Variants in NBEA observed in about 807,000 individuals in gnomAD.
NBEA encodes the protein lysosomal-trafficking regulator 2.
In NBEA, 44 loss-of-function variants were observed where a neutral mutation model predicts 343.4. The ratio of observed to expected loss-of-function variants is 0.13; its 90% CI spans 0.10 to 0.16. The LOEUF (loss-of-function observed/expected upper bound fraction) is 0.16. Among genes scored for constraint, NBEA ranks in the 10% least tolerant of loss-of-function variants. The pLI is 1.00. For synonymous variants in NBEA, 1,175 were observed against 1,238.7 expected (o/e 0.95, Z 1.08); for missense variants, 2,555 against 3,631.3 (o/e 0.70, Z 7.62).
intron 34 of NBEA, among the ~76,000 whole-genome samples, chr13:35,288,200 ATCAG>A (rs1157558795): frequency 1.3e-5 from 2 of 152,050 alleles, no homozygotes; most frequent in Non-Finnish European, 2.9e-5. Context: ...TACTTATAGC[ATCAG>A]TCAGTGGTTG....
At chr13:35,636,135 C>T (rs2083680700) in intron 49 of NBEA, among the ~76,000 whole-genome samples, 1 of 152,168 alleles carries the variant, frequency 6.6e-6, no homozygotes, top group Non-Finnish European at 1.5e-5. Context: ...ATAGATTTCA[C>T]TTCTATAACA....
chr13:35,115,011 A>G (rs888632890), intron 13 of NBEA, among the ~76,000 whole-genome samples: 13 of 152,134 alleles, frequency 8.5e-5, no homozygotes, highest in African/African-American at 3.1e-4. Flanking sequence ...CTTTAACTGT[A>G]ACTTAACACT....
At chr13:35,524,177 C>G (rs2077856876) in intron 41 of NBEA, among the ~76,000 whole-genome samples, 4 of 152,184 alleles carry the variant, frequency 2.6e-5, no homozygotes, top group Non-Finnish European at 5.9e-5. Flanking sequence ...CCTCTAGATT[C>G]TATACCACAT....
intron 33 of NBEA, among the ~76,000 whole-genome samples, chr13:35,223,291 T>G (rs970721137): frequency 3.3e-5 from 5 of 152,230 alleles, no homozygotes; most frequent in African/African-American, 1.2e-4. Context: ...TCCTTATACT[T>G]GAACTACATT....
intron 1 of NBEA, among the ~76,000 whole-genome samples, chr13:34,953,521 C>T (rs888913570): frequency 2.6e-5 from 4 of 152,102 alleles, no homozygotes; most frequent in Admixed American, 1.3e-4. Flanking sequence ...ATTTAAGTGA[C>T]GTCTTCCCTG....
intron 18 of NBEA, among the ~76,000 whole-genome samples, chr13:35,149,673 C>T (rs140027219): frequency 1.3e-5 from 2 of 152,088 alleles, no homozygotes; most frequent in African/African-American, 2.4e-5. Context: ...GTCAATGATG[C>T]CTATGTAAGT....
chr13:35,321,825 G>T lies in NBEA; in HGVS notation c.5903+12233G>T, dbSNP rs7336274. Reference sequence around the variant, plus strand: ...ATGAAGAATCTAGAGAGGCAGTCTGGCTACAGTGGCTTTGCTGAGCTGCGG... The same window carrying T: ...ATGAAGAATCTAGAGAGGCAGTCTGTCTACAGTGGCTTTGCTGAGCTGCGG... On this transcript the variant is annotated intron_variant, in intron 36 of 58. Coordinates refer to ENST00000379939, the MANE Select transcript of NBEA (RefSeq NM_001385012.1). 7.7e-3 allele frequency among the ~76,000 whole-genome samples: 1,167 copies of T among 152,318 alleles called. 17 individuals are homozygous for T. The highest frequency in any genetic ancestry group is 0.026 in the African/African-American group (1,099 of 41,572).
At chr13:35,544,296 G>GA (rs888998443) in intron 41 of NBEA, among the ~76,000 whole-genome samples, 1 of 151,600 alleles carries the variant, frequency 6.6e-6, no homozygotes, top group Non-Finnish European at 1.5e-5. Flanking sequence ...CGTATTCAAA[G>GA]AAAAAAAATT....
intron 34 of NBEA, among the ~76,000 whole-genome samples, chr13:35,255,813 G>T (rs747699529): frequency 2.6e-5 from 4 of 152,216 alleles, no homozygotes; most frequent in Admixed American, 6.5e-5. Flanking sequence ...TTGTGTTACA[G>T]CTTTTCAGTC....
intron 26 of NBEA, among the ~76,000 whole-genome samples, chr13:35,171,925 A>T (rs1182321017): frequency 6.6e-6 from 1 of 152,076 alleles, no homozygotes; most frequent in Non-Finnish European, 1.5e-5. Flanking sequence ...TGTTATACCC[A>T]TGCTGTTCAC....
rs775385425 is a variant in NBEA at position 35,196,190 on chromosome 13, G to T, written c.5254G>T (p.Ala1752Ser). The change falls in exon 31 of 59, where the codon GCT (alanine) becomes TCT (serine). Residue 1752 changes from alanine to serine, a missense_variant. Transcript: ENST00000379939. Reference sequence around the variant, plus strand: ...GAAGGAAATACTGAAAAGTCTTGTGGCTGCTCCAGTTGAAATAGCAGAATG... The same window carrying T: ...GAAGGAAATACTGAAAAGTCTTGTGTCTGCTCCAGTTGAAATAGCAGAATG... ...NVKEILKSLVAAPVEIAECGP... is the reference protein window; with the variant it reads ...NVKEILKSLVSAPVEIAECGP... 4.3e-6 allele frequency: 7 copies of T among 1,613,612 alleles called. No individual in the cohort carries two copies. The highest frequency in any genetic ancestry group is 5.9e-6 in the Non-Finnish European group (7 of 1,179,726).
chr13:35,570,610 T>C (rs1473711450), intron 45 of NBEA, among the ~76,000 whole-genome samples: 34 of 152,232 alleles, frequency 2.2e-4, no homozygotes, highest in Non-Finnish European at 8.8e-5. Context: ...CAATTTGTTC[T>C]TTCTATTCTG....
intron 39 of NBEA, 113 bp from the exon 40 acceptor site, chr13:35,451,974 TGTAAA>T (rs1446340675): frequency 1.6e-5 from 12 of 756,976 alleles, no homozygotes; most frequent in Non-Finnish European, 2.1e-5. Context: ...GTTCTGTAAT[TGTAAA>T]GTAATATGTA....
intron 35 of NBEA, among the ~76,000 whole-genome samples, chr13:35,309,238 C>G (rs894375742): frequency 6.6e-6 from 1 of 152,004 alleles, no homozygotes; most frequent in Non-Finnish European, 1.5e-5. Context: ...CATTTGCTGT[C>G]TTTTGGAAAG....
intron 41 of NBEA, among the ~76,000 whole-genome samples, chr13:35,510,157 CTG>C (rs1281127355): frequency 3.3e-5 from 5 of 152,116 alleles, no homozygotes; most frequent in Non-Finnish European, 7.4e-5. Flanking sequence ...GAGATTAAGA[CTG>C]TGAGCGTTTG....
At chr13:35,596,195 G>A (rs1259406217) in intron 47 of NBEA, among the ~76,000 whole-genome samples, 3 of 151,928 alleles carry the variant, frequency 2.0e-5, no homozygotes, top group Non-Finnish European at 4.4e-5. Flanking sequence ...TGACCAGAGT[G>A]TTAAAGAGAA....
At position 35,160,051 on chromosome 13, in the gene NBEA, G is replaced by A; in HGVS notation, c.3861+19G>A. On this transcript the variant is annotated intron_variant, in intron 22 of 58. Coordinates refer to ENST00000379939, the MANE Select transcript of NBEA (RefSeq NM_001385012.1). ...GACACAAGTAAGCTACCTTATATGA[G>A]TTCTAGAAATAAATAAAAATGCATT... 1 of 1,509,218 alleles carries A rather than the reference G, an allele frequency of 6.6e-7. No individual in the cohort carries two copies. The highest frequency in any genetic ancestry group is 8.8e-7 in the Non-Finnish European group (1 of 1,134,484). 93.5% of individuals were successfully genotyped at this position (1,509,218 alleles called of 1,614,324 possible). A position where few individuals can be genotyped will look rare whatever the true frequency, so the allele number is the denominator to read the frequency against.
chr13:35,642,532 T>C (rs1439363310), intron 49 of NBEA, among the ~76,000 whole-genome samples: 2 of 152,184 alleles, frequency 1.3e-5, no homozygotes, highest in African/African-American at 4.8e-5. Context: ...TGATATCTTG[T>C]AATACAAATT....
At chr13:35,307,780 T>G (rs1042342546) in intron 35 of NBEA, among the ~76,000 whole-genome samples, 3 of 152,082 alleles carry the variant, frequency 2.0e-5, no homozygotes. Context: ...TGTATGTATT[T>G]TGTAGGATCC....
Sources: allele counts gnomAD v4.1 joint callset (sites outside exome capture counted in the v4.1 genomes callset), GRCh38; gene constraint gnomAD v4.1.1; transcripts MANE v1.5; gene names NCBI Gene and HGNC (gene_info 2026-07-23, HGNC 2026-07-21).